Variants in ADAMTS18 observed in about 807,000 individuals in gnomAD.
The protein encoded by ADAMTS18 is ADAM metallopeptidase with thrombospondin type 1 motif 18.
In ADAMTS18, 157 loss-of-function variants were observed where a neutral mutation model predicts 165.9. The ratio of observed to expected loss-of-function variants is 0.95; its 90% CI spans 0.83 to 1.08. The LOEUF (loss-of-function observed/expected upper bound fraction) is 1.08, where lower values mean the gene tolerates loss of function less well. ADAMTS18 is among the 50% of genes least tolerant of loss of function. The pLI, the probability that ADAMTS18 is intolerant of heterozygous loss-of-function variation, is 0.00. For missense variants in ADAMTS18, 2,040 were observed against 1,534.0 expected, an observed-to-expected ratio of 1.33 and a Z score of -5.51; for synonymous variants, 782 against 578.2, an observed-to-expected ratio of 1.35 and a Z score of -5.06.
rs372287527 is a variant in ADAMTS18, at chr16:77,284,081, G to C, written c.3551-10C>G. ...ACGCAGGATGGATCCTCTAAAATAAGAAAATATATTTAGCATGTTGGCTAG... is the reference window on the plus strand; with the variant it reads ...ACGCAGGATGGATCCTCTAAAATAACAAAATATATTTAGCATGTTGGCTAG... On this transcript the variant is annotated splice_polypyrimidine_tract_variant and intron_variant, in intron 22 of 22. Transcript: ENST00000282849. The C allele has an allele frequency of 1.3e-6, 2 of 1,552,410 alleles. No homozygotes were observed. Among genetic ancestry groups the C allele is most frequent in the Non-Finnish European group, 1.8e-6 (2 of 1,125,300 alleles).
At chr16:77,370,806 T>TATATAC (rs1555520543) in intron 3 of ADAMTS18, among the ~76,000 whole-genome samples, 8 of 151,604 alleles carry the variant, frequency 5.3e-5, no homozygotes, top group African/African-American at 1.9e-4. Context: ...TATATATATA[T>TATATAC]ACATATACAC....
intron 3 of ADAMTS18, among the ~76,000 whole-genome samples, chr16:77,419,760 A>G (rs1597252754): frequency 6.6e-6 from 1 of 151,974 alleles, no homozygotes; most frequent in South Asian, 2.1e-4. Context: ...TAATCCCAGC[A>G]CTTTGACAGG....
chr16:77,344,155 G>GTATATATA (rs150411045), intron 10 of ADAMTS18, among the ~76,000 whole-genome samples: 393 of 140,242 alleles, frequency 2.8e-3, no homozygotes, highest in Non-Finnish European at 4.4e-3. Context: ...ATGTGTGTGT[G>GTATATATA]TATATATATA....
chr16:77,428,213 TAGG>T (rs2057697709), intron 3 of ADAMTS18, among the ~76,000 whole-genome samples: 1 of 152,154 alleles, frequency 6.6e-6, no homozygotes, highest in Admixed American at 6.5e-5. Flanking sequence ...TCTGTATTAA[TAGG>T]AGAAGGGTGG....
intron 20 of ADAMTS18, among the ~76,000 whole-genome samples, chr16:77,292,790 A>C (rs1427266213): frequency 6.6e-6 from 1 of 152,086 alleles, no homozygotes; most frequent in Non-Finnish European, 1.5e-5. Context: ...AGATGCTAGC[A>C]GGTCAGCTGA....
chr16:77,297,279 A>G lies in ADAMTS18; in HGVS notation c.2801+10T>C, dbSNP rs753340833. ...AAAACTAAACAAAAAGACACTTCCAAATGACTTACTAAGCCGGGCAGGAGA... is the reference window on the plus strand; with the variant it reads ...AAAACTAAACAAAAAGACACTTCCAGATGACTTACTAAGCCGGGCAGGAGA... On this transcript the variant is annotated intron_variant, in intron 18 of 22. Transcript: ENST00000282849. 27 of 1,614,020 alleles carry G rather than the reference A, an allele frequency of 1.7e-5. No homozygotes were observed. Among genetic ancestry groups the G allele is most frequent in the Non-Finnish European group, 2.3e-5 (27 of 1,179,990 alleles).
At chr16:77,302,660 G>A (rs529244197) in intron 16 of ADAMTS18, among the ~76,000 whole-genome samples, 21 of 152,160 alleles carry the variant, frequency 1.4e-4, no homozygotes, top group Non-Finnish European at 2.1e-4. Context: ...CAATAAAAAC[G>A]CAAAGAAAAT....
chr16:77,299,046 C>A (rs1438788185), intron 17 of ADAMTS18, among the ~76,000 whole-genome samples: 8 of 152,182 alleles, frequency 5.3e-5, no homozygotes, highest in Non-Finnish European at 1.5e-5. Context: ...GCACTGTGCT[C>A]TCCCTGGAAT....
intron 14 of ADAMTS18, 152 bp downstream of exon 14, chr16:77,322,184 G>A (rs1270619078): frequency 3.4e-6 from 2 of 581,474 alleles, no homozygotes; most frequent in East Asian, 3.7e-5. Context: ...AAAAAGATAT[G>A]GTGCTCGAAT....
At position 77,431,557 on chromosome 16, in the gene ADAMTS18, T is replaced by C; in HGVS notation, c.233A>G (p.His78Arg). ...TTTCCTGCCGTTGTGCAAAATGTCG[T>C]GTGAAATATATGACCCGGCTGAGTC... is the stretch of plus-strand genomic sequence containing the variant. ...EVDSAGSYIS[H>R]DILHNGRKKR... The change falls in exon 3 of 23, where the codon CAC (histidine) becomes CGC (arginine). Residue 78 changes from histidine (H) to arginine (R), a missense_variant. Coordinates refer to ENST00000282849, the MANE Select transcript of ADAMTS18 (RefSeq NM_199355.4). 1 of 1,614,096 alleles carries C rather than the reference T, an allele frequency of 6.2e-7. No homozygotes were observed. The highest frequency in any genetic ancestry group is 8.5e-7 in the Non-Finnish European group (1 of 1,180,020).
At chr16:77,388,870 G>A (rs2057146154) in intron 3 of ADAMTS18, among the ~76,000 whole-genome samples, 1 of 152,188 alleles carries the variant, frequency 6.6e-6, no homozygotes, top group African/African-American at 2.4e-5. Context: ...TTCTGAATAA[G>A]TGTTTGTCGA....
At chr16:77,379,624 A>G (rs904242017) in intron 3 of ADAMTS18, among the ~76,000 whole-genome samples, 2 of 152,006 alleles carry the variant, frequency 1.3e-5, no homozygotes, top group African/African-American at 2.4e-5. Context: ...GAGTAGCTGG[A>G]ACTACAGGTG....
chr16:77,376,583 T>A (rs2056956691), intron 3 of ADAMTS18, among the ~76,000 whole-genome samples: 1 of 152,212 alleles, frequency 6.6e-6, no homozygotes, highest in Admixed American at 6.5e-5. Context: ...TGCTGCAGGG[T>A]CAACTCACAT....
chr16:77,335,661 A>T, intron 12 of ADAMTS18, 95 bp downstream of exon 12: 2 of 1,460,444 alleles, frequency 1.4e-6, no homozygotes, highest in Admixed American at 1.7e-5. Flanking sequence ...AATTAAAAAT[A>T]AAAAAATAAA....
chr16:77,326,637 G>T (rs753876502), intron 12 of ADAMTS18, among the ~76,000 whole-genome samples: 8 of 152,134 alleles, frequency 5.3e-5, no homozygotes, highest in Non-Finnish European at 8.8e-5. Flanking sequence ...CCCCCATCAG[G>T]CTCCCAAAGT....
chr16:77,382,242 G>T (rs533751295), intron 3 of ADAMTS18, among the ~76,000 whole-genome samples: 4 of 152,118 alleles, frequency 2.6e-5, no homozygotes, highest in Non-Finnish European at 5.9e-5. Context: ...AGACAGAGTC[G>T]CTCTGTTGCC....
intron 3 of ADAMTS18, among the ~76,000 whole-genome samples, chr16:77,407,339 C>T (rs1297959600): frequency 6.6e-6 from 1 of 151,974 alleles, no homozygotes; most frequent in Non-Finnish European, 1.5e-5. Flanking sequence ...GAATTTAAGA[C>T]TTAACCAAAT....
intron 3 of ADAMTS18, among the ~76,000 whole-genome samples, chr16:77,385,778 C>T (rs186518736): frequency 3.5e-4 from 54 of 152,292 alleles, no homozygotes; most frequent in African/African-American, 1.3e-3. Context: ...AAGAGCCAGA[C>T]ATGACCACCA....
intron 12 of ADAMTS18, among the ~76,000 whole-genome samples, chr16:77,330,556 C>T (rs274530): frequency 0.42 from 63,620 of 151,854 alleles, 13,931 homozygotes; most frequent in African/African-American, 0.49. Context: ...AGTTCTAACC[C>T]GATTGAGAAC....
Sources: gnomAD v4.1 joint callset for allele counts (sites outside exome capture counted in the v4.1 genomes callset) on GRCh38, gnomAD v4.1.1 for gene constraint, MANE v1.5 for transcripts, NCBI Gene and HGNC (gene_info 2026-07-23, HGNC 2026-07-21) for gene names.